PCDHGA3: variants seen among roughly 807,000 people sequenced by gnomAD.
PCDHGA3 encodes protocadherin gamma-A3.
PCDHGA3 carries 40 observed loss-of-function variants against 58.5 expected under a neutral mutation model. That is an observed-to-expected ratio of 0.68 (90% CI 0.53 to 0.89). PCDHGA3 has a LOEUF of 0.89. Among genes scored for constraint, PCDHGA3 ranks in the 40% least tolerant of loss-of-function variants. The pLI is 0.00. For missense variants in PCDHGA3, 1,223 were observed against 1,195.9 expected (o/e 1.02, Z -0.33); for synonymous variants, 530 against 525.7 (o/e 1.01, Z -0.11).
chr5:141,490,251 A>G lies in PCDHGA3; in HGVS notation c.2425-4556A>G, dbSNP rs1479384008. ...CCATGGAGGGCCACTGTGTGATTCA[A>G]GTGGATGTGGGGGATGTCAATGACA... is the stretch of plus-strand genomic sequence containing the variant. On this transcript the variant is annotated intron_variant, in intron 1 of 3. Coordinates refer to ENST00000253812, the MANE Select transcript of PCDHGA3 (RefSeq NM_018916.4). This position sits in a 1 kb window ranked among gnomAD's most constrained non-coding sequence, Gnocchi z 5.4. 6.2e-7 allele frequency: 1 copy of G among 1,614,210 alleles called. No homozygotes were observed. Among genetic ancestry groups the G allele is most frequent in the Non-Finnish European group, 8.5e-7 (1 of 1,180,036 alleles).
chr5:141,403,135 GCGCCGAGTC>G, intron 1 of PCDHGA3: 4 of 1,614,064 alleles, frequency 2.5e-6, no homozygotes, highest in Non-Finnish European at 3.4e-6. Context: ...AGCTGGCGGA[GCGCCGAGTC>G]CGCATCGTCT....
rs370432555 is a variant in PCDHGA3 at position 141,388,865 on chromosome 5, G to A, written c.2424+42408G>A. On this transcript the variant is annotated intron_variant, in intron 1 of 3. Transcript: ENST00000253812. Reference sequence around the variant, plus strand: ...CAAGGGACGGTGGAGGAATGATTGCGCAATGCACAGTGGAGGTAGAAGTCA... The same window carrying A: ...CAAGGGACGGTGGAGGAATGATTGCACAATGCACAGTGGAGGTAGAAGTCA... 10 of 1,613,808 alleles carry A rather than the reference G, an allele frequency of 6.2e-6. No homozygotes were observed. In the East Asian group the frequency reaches 6.7e-5, roughly 11 times the overall value.
intron 1 of PCDHGA3, among the ~76,000 whole-genome samples, chr5:141,458,871 T>C (rs2098955493): frequency 6.6e-6 from 1 of 152,210 alleles, no homozygotes; most frequent in African/African-American, 2.4e-5. Flanking sequence ...TAGCTGGGAC[T>C]ACAGGCATGC....
In PCDHGA3 at chr5:141,490,000, A is replaced by G. The variant is rs762999106; in HGVS notation, c.2425-4807A>G. The G allele has an allele frequency of 6.2e-7, 1 of 1,614,198 alleles. No individual in the cohort carries two copies. Among genetic ancestry groups the G allele is most frequent in the Admixed American group, 1.7e-5 (1 of 60,032 alleles). ...AGTTCTACGTGTGGGAATCCCAGAG[A>G]ATGCACCCATTGGTACTCTGCTGCT... On this transcript the variant is annotated intron_variant, in intron 1 of 3. Coordinates refer to ENST00000253812, the MANE Select transcript of PCDHGA3 (RefSeq NM_018916.4). The surrounding 1 kb of genome is among the most constrained non-coding windows in gnomAD (Gnocchi z 4.5).
intron 1 of PCDHGA3, chr5:141,370,579 C>T (rs1363089193): frequency 1.9e-6 from 3 of 1,613,818 alleles, no homozygotes; most frequent in Non-Finnish European, 2.5e-6. Context: ...GGGGATTTAC[C>T]TACTAGGAAC....
At chr5:141,415,024 G>C in intron 1 of PCDHGA3, 1 of 1,613,568 alleles carries the variant, frequency 6.2e-7, no homozygotes, top group Non-Finnish European at 8.5e-7. Flanking sequence ...CAAGGCCAGC[G>C]AGCCGGGACT....
rs752231427 is a variant in PCDHGA3, at chr5:141,345,659, C to A, written c.1626C>A (p.Leu542=). The A allele has an allele frequency of 1.9e-6, 3 of 1,614,122 alleles. No individual in the cohort carries two copies. Among genetic ancestry groups the A allele is most frequent in the Non-Finnish European group, 2.5e-6 (3 of 1,180,062 alleles). ...CCAGCGACAGCGGGAACCCTCCACTCAGCAGCAACGTGTCGCTGAACCTGT... is the reference window on the plus strand; with the variant it reads ...CCAGCGACAGCGGGAACCCTCCACTAAGCAGCAACGTGTCGCTGAACCTGT... ...VTASDSGNPP[L]SSNVSLNLFV... is the part of the protein sequence containing the mutation. Residue 542 remains leucine, a synonymous_variant, in exon 1 of 4, where the codon CTC becomes CTA. Coordinates refer to ENST00000253812, the MANE Select transcript of PCDHGA3 (RefSeq NM_018916.4).
At chr5:141,401,113 G>A (rs2094114942) in intron 1 of PCDHGA3, among the ~76,000 whole-genome samples, 1 of 152,192 alleles carries the variant, frequency 6.6e-6, no homozygotes, top group Non-Finnish European at 1.5e-5. Flanking sequence ...GGAGGCCGAG[G>A]CGGTTGGATC....
At chr5:141,478,019 C>T in intron 1 of PCDHGA3, 1 of 1,614,136 alleles carries the variant, frequency 6.2e-7, no homozygotes, top group Non-Finnish European at 8.5e-7. Flanking sequence ...CCGTCCAGTC[C>T]AAGACACAGA....
At chr5:141,361,561 G>T (rs1762075666) in intron 1 of PCDHGA3, 2 of 1,614,032 alleles carry the variant, frequency 1.2e-6, no homozygotes, top group Admixed American at 1.7e-5. Context: ...TCAAATCAGT[G>T]CCTCTGACCC....
At chr5:141,424,784 C>T (rs1351935601) in intron 1 of PCDHGA3, 2 of 152,062 alleles carry the variant, frequency 1.3e-5, no homozygotes, top group Non-Finnish European at 2.9e-5. Context: ...ACATTCAGTT[C>T]TTTTATTCAG....
chr5:141,422,205 A>G (rs758255761), intron 1 of PCDHGA3: 2 of 1,562,218 alleles, frequency 1.3e-6, no homozygotes, highest in Non-Finnish European at 1.7e-6. Flanking sequence ...AAGATGGTGG[A>G]GGTCTCTTTA....
At position 141,476,409 on chromosome 5, in the gene PCDHGA3, G is replaced by A. The variant is rs1226666958; in HGVS notation, c.2425-18398G>A. The A allele has an allele frequency of 6.2e-7, 1 of 1,614,154 alleles. No homozygotes were observed. The highest frequency in any genetic ancestry group is 1.7e-5 in the Admixed American group (1 of 60,030). ...GACCGTCTGGATCGAGAGGAGCTGT[G>A]TGGGACACTGCCCTCTTGCACTGTA... is the stretch of plus-strand genomic sequence containing the variant. On this transcript the variant is annotated intron_variant, in intron 1 of 3. Coordinates refer to ENST00000253812, the MANE Select transcript of PCDHGA3 (RefSeq NM_018916.4). The surrounding 1 kb of genome is among the most constrained non-coding windows in gnomAD (Gnocchi z 7.6).
At chr5:141,445,357 G>A (rs115045385) in intron 1 of PCDHGA3, among the ~76,000 whole-genome samples, 18 of 152,258 alleles carry the variant, frequency 1.2e-4, no homozygotes, top group Admixed American at 1.1e-3. Context: ...GTCTGCCCAA[G>A]TCTGGTCCTG....
chr5:141,485,577 G>A lies in PCDHGA3; in HGVS notation c.2425-9230G>A. Reference sequence around the variant, plus strand: ...AATGATCACGCCCCCCGTTTTCCGCGGCAGCAGCTGGACTTGGAAATTGGG... The same window carrying A: ...AATGATCACGCCCCCCGTTTTCCGCAGCAGCAGCTGGACTTGGAAATTGGG... On this transcript the variant is annotated intron_variant, in intron 1 of 3. Transcript: ENST00000253812. This position sits in a 1 kb window ranked among gnomAD's most constrained non-coding sequence, Gnocchi z 5.7. 2 of 1,612,500 alleles carry A rather than the reference G, an allele frequency of 1.2e-6. No individual in the cohort carries two copies. Among genetic ancestry groups the A allele is most frequent in the Non-Finnish European group, 8.5e-7 (1 of 1,178,676 alleles).
At chr5:141,414,132 T>A in intron 1 of PCDHGA3, 1 of 1,594,828 alleles carries the variant, frequency 6.3e-7, no homozygotes, top group South Asian at 1.1e-5. Flanking sequence ...CCGGTTTCTA[T>A]GAAATAGAAA....
intron 1 of PCDHGA3, among the ~76,000 whole-genome samples, chr5:141,456,483 CTTAATA>C (rs2098861684): frequency 1.3e-5 from 2 of 152,072 alleles, no homozygotes; most frequent in African/African-American, 4.8e-5. Context: ...CAAGAGAGTG[CTTAATA>C]AAGGGGTTAA....
rs539878473 is a variant in PCDHGA3 at position 141,501,595 on chromosome 5, C to T, written c.2484-3798C>T. Reference sequence around the variant, plus strand: ...GCTGGCTTTCAGGTTGCAACTCTACCAGTTCCAGCTGTGTGACTCTGGTAT... The same window carrying T: ...GCTGGCTTTCAGGTTGCAACTCTACTAGTTCCAGCTGTGTGACTCTGGTAT... On this transcript the variant is annotated intron_variant, in intron 2 of 3. Coordinates refer to ENST00000253812, the MANE Select transcript of PCDHGA3 (RefSeq NM_018916.4). Among the ~76,000 whole-genome samples the T allele has an allele frequency of 9.9e-5, 15 of 152,164 alleles. No homozygotes were observed. In the East Asian group the frequency reaches 2.9e-3, roughly 30 times the overall value.
rs753266989 is a variant in PCDHGA3, at chr5:141,345,509, C to G, written c.1476C>G (p.Thr492=). 5.6e-6 allele frequency: 9 copies of G among 1,614,138 alleles called. No homozygotes were observed. The Admixed American group carries it at 6.7e-5, about 12-fold the overall frequency. The change falls in exon 1 of 4, where the codon ACC becomes ACG. Residue 492 remains threonine (T), a synonymous_variant. Transcript: ENST00000253812. The part of the protein sequence containing the change: ...NNNARITYAL[T]EDTLQGAPLS... Reference sequence around the variant, plus strand: ...ACGCCCGCATCACTTATGCATTGACCGAGGACACTCTCCAGGGGGCGCCCC... The same window carrying G: ...ACGCCCGCATCACTTATGCATTGACGGAGGACACTCTCCAGGGGGCGCCCC...
Sources: allele counts gnomAD v4.1 joint callset (sites outside exome capture counted in the v4.1 genomes callset), GRCh38; gene constraint gnomAD v4.1.1; non-coding constraint Gnocchi (gnomAD v3.1); transcripts MANE v1.5; gene names NCBI Gene and HGNC (gene_info 2026-07-23, HGNC 2026-07-21).